The following ERBB4 variants were observed in gnomAD, a reference collection of about 807,000 sequenced individuals.
The protein encoded by ERBB4 is receptor tyrosine-protein kinase erbB-4.
Under a neutral mutation model 158.0 loss-of-function variants are expected in ERBB4, and 42 were observed. The ratio of observed to expected loss-of-function variants is 0.27; its 90% CI spans 0.21 to 0.34. The LOEUF (loss-of-function observed/expected upper bound fraction) is 0.34. Ranked by LOEUF, ERBB4 falls within the 10% of genes least tolerant of loss-of-function variation. The pLI is 1.00. For synonymous variants in ERBB4, 583 were observed against 558.7 expected, an observed-to-expected ratio of 1.04 and a Z score of -0.61; for missense variants, 1,333 against 1,624.1, an observed-to-expected ratio of 0.82 and a Z score of 3.08.
rs35084075 is a variant in ERBB4, at chr2:212,083,924, G to GAAA, written c.234+40825_234+40827dup. Among the ~76,000 whole-genome samples the GAAA allele has an allele frequency of 1.9e-3, 270 of 143,752 alleles. 2 individuals carry two copies. Among genetic ancestry groups the GAAA allele is most frequent in the African/African-American group, 3.5e-3 (139 of 39,492 alleles). 94.3% of individuals were successfully genotyped at this position (143,752 alleles called of 152,430 possible). A position where few individuals can be genotyped will look rare whatever the true frequency, so the allele number is the denominator to read the frequency against. On this transcript the variant is annotated intron_variant, in intron 2 of 27. Transcript: ENST00000342788. Reference sequence around the variant, plus strand: ...TTTTCTCCATATGGATTGTTCACAGGAAAAAAAAAAAAAAGATCCACTACA... The same window carrying GAAA: ...TTTTCTCCATATGGATTGTTCACAGGAAAAAAAAAAAAAAAAAGATCCACTACA...
chr2:211,844,234 G>A (rs1349068044), intron 3 of ERBB4, among the ~76,000 whole-genome samples: 3 of 151,812 alleles, frequency 2.0e-5, no homozygotes. Context: ...ATCATACTAA[G>A]GGCAAAAACA....
In ERBB4 at chr2:212,149,938, C is replaced by T. The variant is rs540611326; in HGVS notation, c.83-25035G>A. On this transcript the variant is annotated intron_variant, in intron 1 of 27. Transcript: ENST00000342788. ...CCTTGAGGACAGGGACCATGTTTAT[C>T]TCATCAGGAACACTTAACTCCAGTA... Among the ~76,000 whole-genome samples, 4 of 152,244 alleles carry T rather than the reference C, an allele frequency of 2.6e-5. No individual in the cohort carries two copies. The South Asian group carries it at 8.3e-4, about 32-fold the overall frequency.
chr2:211,836,536 T>C (rs564747858), intron 3 of ERBB4, among the ~76,000 whole-genome samples: 1 of 152,054 alleles, frequency 6.6e-6, no homozygotes, highest in African/African-American at 2.4e-5. Flanking sequence ...GCTTAGTACA[T>C]ACCAAACTTC....
At chr2:212,389,439 C>T (rs1001101204) in intron 1 of ERBB4, among the ~76,000 whole-genome samples, 3 of 151,934 alleles carry the variant, frequency 2.0e-5, no homozygotes, top group Non-Finnish European at 4.4e-5. Flanking sequence ...AGCAAAACTA[C>T]ATCTAATATT....
intron 1 of ERBB4, among the ~76,000 whole-genome samples, chr2:212,125,477 T>C (rs1227497076): frequency 6.6e-6 from 1 of 152,176 alleles, no homozygotes; most frequent in Non-Finnish European, 1.5e-5. Flanking sequence ...TAGGTAAACC[T>C]GTGGCATGGG....
intron 1 of ERBB4, among the ~76,000 whole-genome samples, chr2:212,240,663 AAAAACAG>A (rs2084063231): frequency 6.7e-6 from 1 of 148,698 alleles, no homozygotes; most frequent in Admixed American, 6.7e-5. Flanking sequence ...AAAAAAAAAA[AAAAACAG>A]AAAAAAAAGA....
chr2:212,077,726 T>C (rs543049508), intron 2 of ERBB4, among the ~76,000 whole-genome samples: 2 of 152,190 alleles, frequency 1.3e-5, no homozygotes, highest in East Asian at 1.9e-4. Flanking sequence ...TTTGTGATAA[T>C]TGATGAATTT....
chr2:211,926,361 G>A (rs1041748266), intron 3 of ERBB4, among the ~76,000 whole-genome samples: 1 of 152,090 alleles, frequency 6.6e-6, no homozygotes, highest in African/African-American at 2.4e-5. Flanking sequence ...TCAATACAGT[G>A]TCTGCCACAC....
chr2:212,180,415 A>G (rs2081822088), intron 1 of ERBB4, among the ~76,000 whole-genome samples: 1 of 151,664 alleles, frequency 6.6e-6, no homozygotes, highest in Admixed American at 6.6e-5. Flanking sequence ...TAGACAGACT[A>G]AAAACATTCA....
At chr2:211,491,880 T>A (rs2065351859) in intron 20 of ERBB4, among the ~76,000 whole-genome samples, 1 of 152,096 alleles carries the variant, frequency 6.6e-6, no homozygotes, top group African/African-American at 2.4e-5. Context: ...ATGGTAATGA[T>A]AATGTTAAAG....
chr2:212,390,115 C>A (rs1288092206), intron 1 of ERBB4, among the ~76,000 whole-genome samples: 1 of 151,770 alleles, frequency 6.6e-6, no homozygotes, highest in Non-Finnish European at 1.5e-5. Flanking sequence ...AGCTGAAATG[C>A]AAAATCTTAA....
chr2:212,307,600 A>G (rs1384636701), intron 1 of ERBB4, among the ~76,000 whole-genome samples: 3 of 151,162 alleles, frequency 2.0e-5, no homozygotes, highest in East Asian at 3.9e-4. Flanking sequence ...CTAATCATTT[A>G]TCTACATGAA....
chr2:211,716,401 G>A (rs568068857), intron 7 of ERBB4, among the ~76,000 whole-genome samples: 8 of 141,150 alleles, frequency 5.7e-5, no homozygotes, highest in Non-Finnish European at 1.2e-4. Context: ...AAAAGGCCGG[G>A]CGCAGTGGCT....
At chr2:211,707,510 T>C (rs1203157908) in intron 9 of ERBB4, among the ~76,000 whole-genome samples, 2 of 152,316 alleles carry the variant, frequency 1.3e-5, no homozygotes, top group Admixed American at 6.5e-5. Flanking sequence ...TCATCGAGTT[T>C]ATTATTTCCC....
chr2:211,421,843 G>A (rs761079416), intron 24 of ERBB4, among the ~76,000 whole-genome samples, 164 bp downstream of exon 24: 4 of 151,938 alleles, frequency 2.6e-5, no homozygotes, highest in Admixed American at 6.6e-5. Context: ...TGGATCTGAC[G>A]TGAAATAAAA....
At chr2:211,739,913 A>G (rs900326800) in intron 5 of ERBB4, among the ~76,000 whole-genome samples, 1 of 152,254 alleles carries the variant, frequency 6.6e-6, no homozygotes, top group Non-Finnish European at 1.5e-5. Context: ...CTTAGAATGC[A>G]GTAGTTCCCT....
chr2:211,648,859 T>C (rs193055346), intron 16 of ERBB4, among the ~76,000 whole-genome samples: 165 of 151,928 alleles, frequency 1.1e-3, no homozygotes, highest in African/African-American at 3.4e-3. Flanking sequence ...GAATTCTTAC[T>C]TGTACTTTTG....
chr2:211,445,607 C>T lies in ERBB4; in HGVS notation c.2488-14507G>A, dbSNP rs528983784. On this transcript the variant is annotated intron_variant, in intron 20 of 27. Coordinates refer to ENST00000342788, the MANE Select transcript of ERBB4 (RefSeq NM_005235.3). Reference sequence around the variant, plus strand: ...GCGACAGTATCAAATACAATAGGGACGTACAAAAAGATAACAGAAGGGGGA... The same window carrying T: ...GCGACAGTATCAAATACAATAGGGATGTACAAAAAGATAACAGAAGGGGGA... Among the ~76,000 whole-genome samples the T allele has an allele frequency of 1.7e-3, 266 of 152,070 alleles. 1 individual carries two copies. The highest frequency in any genetic ancestry group is 3.0e-3 in the Non-Finnish European group (207 of 67,964).
intron 3 of ERBB4, among the ~76,000 whole-genome samples, chr2:211,836,162 C>T (rs993449075): frequency 1.3e-5 from 2 of 152,012 alleles, no homozygotes; most frequent in African/African-American, 4.8e-5. Context: ...AGTGAGTTAA[C>T]GATGGAAAAA....
Sources: gnomAD v4.1 joint callset for allele counts (sites outside exome capture counted in the v4.1 genomes callset) on GRCh38, gnomAD v4.1.1 for gene constraint, MANE v1.5 for transcripts, NCBI Gene and HGNC (gene_info 2026-07-23, HGNC 2026-07-21) for gene names.